The following SAMD12 variants were observed in gnomAD, a reference collection of about 807,000 sequenced individuals.
SAMD12 encodes sterile alpha motif domain containing 12, also known as sterile alpha motif domain-containing protein 12.
SAMD12 carries 9 observed loss-of-function variants against 15.0 expected under a neutral mutation model. That is an observed-to-expected ratio of 0.60 (90% CI 0.36 to 1.05). The LOEUF is 1.05. SAMD12 is among the 50% of genes least tolerant of loss of function. The pLI, the probability that SAMD12 is intolerant of heterozygous loss-of-function variation, is 0.01. For missense variants in SAMD12, 230 were observed against 234.2 expected, an observed-to-expected ratio of 0.98 and a Z score of 0.12; for synonymous variants, 86 against 90.1, an observed-to-expected ratio of 0.96 and a Z score of 0.25.
rs544364355 is a variant in SAMD12, at chr8:118,592,904, T to G, written c.14-12011A>C. On this transcript the variant is annotated intron_variant, in intron 1 of 3. Coordinates refer to ENST00000314727, the MANE Select transcript of SAMD12 (RefSeq NM_207506.3). ...AGAATATTCCAGGCAGAAACAGAAG[T>G]ATCTATCAAACCACAGAAATATGTA... Among the ~76,000 whole-genome samples, 12 of 152,302 alleles carry G rather than the reference T, an allele frequency of 7.9e-5. No individual in the cohort carries two copies. The South Asian group carries it at 2.5e-3, about 32-fold the overall frequency.
intron 2 of SAMD12, among the ~76,000 whole-genome samples, chr8:118,498,416 G>T (rs1422885084): frequency 6.6e-6 from 1 of 152,220 alleles, no homozygotes; most frequent in Non-Finnish European, 1.5e-5. Flanking sequence ...GGCATGTTAT[G>T]CCTGTAGCAT....
intron 2 of SAMD12, among the ~76,000 whole-genome samples, chr8:118,476,878 G>C (rs1470756519): frequency 2.0e-5 from 3 of 152,042 alleles, no homozygotes; most frequent in Non-Finnish European, 4.4e-5. Context: ...GCCAGCTCTT[G>C]AGCAATGCCC....
At position 118,549,590 on chromosome 8, in the gene SAMD12, G is replaced by A. The variant is rs550508837; in HGVS notation, c.192+31125C>T. Reference sequence around the variant, plus strand: ...ACCACAAAGATGGGGAAAAAACAGAGCAGAAAAACTGGAAACTCTAAAAAG... The same window carrying A: ...ACCACAAAGATGGGGAAAAAACAGAACAGAAAAACTGGAAACTCTAAAAAG... On this transcript the variant is annotated intron_variant, in intron 2 of 3. Transcript: ENST00000314727. Among the ~76,000 whole-genome samples the A allele has an allele frequency of 3.3e-4, 50 of 152,306 alleles. 1 individual carries two copies. In the East Asian group the frequency reaches 6.9e-3, roughly 21 times the overall value.
chr8:118,281,409 G>C (rs1813644632), intron 4 of SAMD12, among the ~76,000 whole-genome samples: 1 of 149,646 alleles, frequency 6.7e-6, no homozygotes, highest in Non-Finnish European at 1.5e-5. Context: ...ATGAGACAGT[G>C]ACTGTTTCCT....
chr8:118,365,659 C>T (rs1357882561), intron 4 of SAMD12, among the ~76,000 whole-genome samples: 1 of 152,028 alleles, frequency 6.6e-6, no homozygotes, highest in Non-Finnish European at 1.5e-5. Context: ...CGTGGGACTT[C>T]TCAGCCTCCA....
chr8:118,279,418 G>A (rs1813554276), intron 4 of SAMD12, among the ~76,000 whole-genome samples: 1 of 152,132 alleles, frequency 6.6e-6, no homozygotes, highest in South Asian at 2.1e-4. Context: ...TCAAACTTGG[G>A]TGTGCCTGGG....
chr8:118,266,501 G>A (rs905163249), intron 4 of SAMD12, among the ~76,000 whole-genome samples: 21 of 152,172 alleles, frequency 1.4e-4, no homozygotes, highest in Non-Finnish European at 2.8e-4. Context: ...ATATTCAAGG[G>A]ATATTAAACC....
chr8:118,177,405 CT>C, the SAMD12 span, among the ~76,000 whole-genome samples: 1,279 of 147,808 alleles, frequency 8.7e-3, 18 homozygotes, highest in South Asian at 0.042. Flanking sequence ...GTCCAGCTAA[CT>C]TTTTTTTTTT....
intron 2 of SAMD12, among the ~76,000 whole-genome samples, chr8:118,464,163 G>T (rs1823518362): frequency 6.6e-6 from 1 of 152,086 alleles, no homozygotes; most frequent in Admixed American, 6.5e-5. Context: ...AATAAACAAA[G>T]GCTGGGAGAA....
At chr8:118,457,223 T>TC (rs34250436) in intron 2 of SAMD12, among the ~76,000 whole-genome samples, 56,840 of 124,388 alleles carry the variant, frequency 0.46, 13,168 homozygotes, top group South Asian at 0.57. Flanking sequence ...TCTCTCTCTC[T>TC]TTTTTTTTTT....
chr8:118,508,822 C>T (rs1824995617), intron 2 of SAMD12, among the ~76,000 whole-genome samples: 1 of 152,172 alleles, frequency 6.6e-6, no homozygotes, highest in Non-Finnish European at 1.5e-5. Context: ...AATGCGTTTT[C>T]TCAACACTGA....
chr8:118,309,155 C>A (rs1470470396), intron 4 of SAMD12, among the ~76,000 whole-genome samples: 1 of 152,148 alleles, frequency 6.6e-6, no homozygotes, highest in African/African-American at 2.4e-5. Flanking sequence ...TCCACCCTTT[C>A]TCCTGAGTCC....
chr8:118,571,031 C>G (rs1041650155), intron 2 of SAMD12, among the ~76,000 whole-genome samples: 1 of 152,188 alleles, frequency 6.6e-6, no homozygotes, highest in Non-Finnish European at 1.5e-5. Context: ...CATTAAGCCT[C>G]TTTCTTTTAT....
chr8:118,143,921 T>TC, the SAMD12 span, among the ~76,000 whole-genome samples: 1 of 152,178 alleles, frequency 6.6e-6, no homozygotes, highest in African/African-American at 2.4e-5. Context: ...ACTTGCTAGC[T>TC]CAAAACAACA....
At chr8:118,458,312 CA>C (rs1402939296) in intron 2 of SAMD12, among the ~76,000 whole-genome samples, 1 of 152,114 alleles carries the variant, frequency 6.6e-6, no homozygotes, top group African/African-American at 2.4e-5. Flanking sequence ...TAAAAACACT[CA>C]TCTTCTGTCT....
chr8:118,340,347 G>A (rs1272253887), intron 4 of SAMD12, among the ~76,000 whole-genome samples: 3 of 149,046 alleles, frequency 2.0e-5, no homozygotes, highest in Non-Finnish European at 4.5e-5. Flanking sequence ...TGCCAAGGGG[G>A]CCCATGGAGG....
intron 4 of SAMD12, among the ~76,000 whole-genome samples, chr8:118,233,526 C>T (rs1201831942): frequency 6.6e-6 from 1 of 152,150 alleles, no homozygotes; most frequent in Non-Finnish European, 1.5e-5. Context: ...CACTATGGGC[C>T]TCAGTTTTCT....
rs147249675 is a variant in SAMD12, at chr8:118,458,592, C to T, written c.193-18631G>A. Among the ~76,000 whole-genome samples the T allele has an allele frequency of 6.5e-3, 983 of 152,294 alleles. 6 individuals carry two copies. Among genetic ancestry groups the T allele is most frequent in the South Asian group, 0.019 (92 of 4,822 alleles). ...AAAAAGATTCCAAACTCATTTTCCA[C>T]TGATTCTCTGTTCCTCCATTACATT... is the stretch of plus-strand genomic sequence containing the variant. On this transcript the variant is annotated intron_variant, in intron 2 of 3. Transcript: ENST00000314727.
At chr8:118,472,496 C>T (rs1823828953) in intron 2 of SAMD12, among the ~76,000 whole-genome samples, 1 of 151,696 alleles carries the variant, frequency 6.6e-6, no homozygotes, top group African/African-American at 2.4e-5. Flanking sequence ...CTGGGCAACA[C>T]AGCAAGACCT....
Sources: allele counts gnomAD v4.1 joint callset (sites outside exome capture counted in the v4.1 genomes callset), GRCh38; gene constraint gnomAD v4.1.1; transcripts MANE v1.5; gene names NCBI Gene and HGNC (gene_info 2026-07-23, HGNC 2026-07-21).